SPOCK3: variants seen among roughly 807,000 people sequenced by gnomAD.
SPOCK3 encodes testican-3.
SPOCK3 carries 30 observed loss-of-function variants against 56.6 expected under a neutral mutation model. The observed-to-expected ratio is 0.53, with a 90% CI of 0.40 to 0.72. The LOEUF (loss-of-function observed/expected upper bound fraction) is 0.72. Ranked by LOEUF, SPOCK3 falls within the 30% of genes least tolerant of loss-of-function variation. SPOCK3 has a pLI of 0.00. For synonymous variants in SPOCK3, 196 were observed against 183.3 expected (o/e 1.07, Z -0.56); for missense variants, 527 against 530.0 (o/e 0.99, Z 0.06).
At chr4:167,172,294 C>T (rs565889401) in intron 2 of SPOCK3, among the ~76,000 whole-genome samples, 2 of 152,318 alleles carry the variant, frequency 1.3e-5, no homozygotes, top group South Asian at 4.1e-4. Flanking sequence ...ACTTCATTGA[C>T]TTAATATCTC....
chr4:166,900,760 T>C (rs1278161764), intron 5 of SPOCK3, among the ~76,000 whole-genome samples: 1 of 152,148 alleles, frequency 6.6e-6, no homozygotes, highest in East Asian at 1.9e-4. Context: ...CTCTTATGGA[T>C]AAAATGTTCT....
chr4:166,787,980 G>C (rs529053186), intron 7 of SPOCK3, among the ~76,000 whole-genome samples: 1 of 152,234 alleles, frequency 6.6e-6, no homozygotes, highest in East Asian at 1.9e-4. Context: ...TCAGGAGTTT[G>C]AGACTGGCCT....
intron 6 of SPOCK3, among the ~76,000 whole-genome samples, chr4:166,869,501 T>G (rs1288325387): frequency 6.6e-6 from 1 of 152,086 alleles, no homozygotes. Context: ...TGGCACCATG[T>G]CTAGTAAAAA....
At chr4:166,823,349 G>A (rs1745128230) in intron 6 of SPOCK3, among the ~76,000 whole-genome samples, 1 of 151,856 alleles carries the variant, frequency 6.6e-6, no homozygotes, top group South Asian at 2.1e-4. Flanking sequence ...AAAAATTCCT[G>A]GGTGCCTGAG....
chr4:166,747,549 G>A (rs1316307689), intron 8 of SPOCK3, among the ~76,000 whole-genome samples: 1 of 152,122 alleles, frequency 6.6e-6, no homozygotes, highest in African/African-American at 2.4e-5. Flanking sequence ...CCAAAAACTG[G>A]AAGCATTCCC....
At chr4:167,193,468 C>T (rs1732649043) in intron 2 of SPOCK3, among the ~76,000 whole-genome samples, 2 of 145,840 alleles carry the variant, frequency 1.4e-5, no homozygotes, top group Non-Finnish European at 3.0e-5. Flanking sequence ...TTATATCATG[C>T]ACCAATTAAT....
At chr4:167,009,822 TATTA>T (rs1012659365) in intron 3 of SPOCK3, among the ~76,000 whole-genome samples, 4 of 152,022 alleles carry the variant, frequency 2.6e-5, no homozygotes, top group African/African-American at 9.7e-5. Context: ...AGCATGTTTA[TATTA>T]ATTCATGTCA....
chr4:167,125,679 G>C (rs959320555), intron 2 of SPOCK3, among the ~76,000 whole-genome samples: 6 of 152,046 alleles, frequency 3.9e-5, no homozygotes, highest in Non-Finnish European at 5.9e-5. Flanking sequence ...CGCGCCACTG[G>C]ACTCCAGCCC....
At chr4:167,041,077 A>G (rs1231812428) in intron 3 of SPOCK3, among the ~76,000 whole-genome samples, 3 of 152,192 alleles carry the variant, frequency 2.0e-5, no homozygotes, top group Non-Finnish European at 4.4e-5. Context: ...GTGTGAGTGG[A>G]GAATCTCAGA....
chr4:167,042,398 T>G (rs1385136711), intron 3 of SPOCK3, among the ~76,000 whole-genome samples: 1 of 152,184 alleles, frequency 6.6e-6, no homozygotes, highest in Non-Finnish European at 1.5e-5. Flanking sequence ...GTTATGTAAT[T>G]GTTTTAACTT....
At chr4:166,852,758 T>C (rs1730259435) in intron 6 of SPOCK3, among the ~76,000 whole-genome samples, 1 of 152,222 alleles carries the variant, frequency 6.6e-6, no homozygotes, top group South Asian at 2.1e-4. Context: ...AACTTCATTC[T>C]TTAGATGACA....
intron 5 of SPOCK3, among the ~76,000 whole-genome samples, chr4:166,902,735 A>G (rs939705091): frequency 4.0e-5 from 6 of 151,656 alleles, no homozygotes; most frequent in Admixed American, 2.0e-4. Flanking sequence ...TCTTGATTGA[A>G]GTTCATCTAA....
At chr4:166,984,187 T>C (rs1412040676) in intron 4 of SPOCK3, among the ~76,000 whole-genome samples, 1 of 152,122 alleles carries the variant, frequency 6.6e-6, no homozygotes, top group Non-Finnish European at 1.5e-5. Flanking sequence ...TTAAATTCTT[T>C]TAAAATTATG....
At chr4:166,865,737 C>A (rs1731757516) in intron 6 of SPOCK3, among the ~76,000 whole-genome samples, 1 of 152,046 alleles carries the variant, frequency 6.6e-6, no homozygotes, top group South Asian at 2.1e-4. Flanking sequence ...CATAAAGGAC[C>A]TCTTCAAGGA....
intron 2 of SPOCK3, among the ~76,000 whole-genome samples, chr4:167,218,814 C>T (rs1735621095): frequency 6.6e-6 from 1 of 151,934 alleles, no homozygotes; most frequent in South Asian, 2.1e-4. Flanking sequence ...ATAACATTAG[C>T]AAAGAAAGTT....
chr4:167,176,711 G>A (rs1379040285), intron 2 of SPOCK3, among the ~76,000 whole-genome samples: 1 of 152,068 alleles, frequency 6.6e-6, no homozygotes, highest in African/African-American at 2.4e-5. Flanking sequence ...GTGATATAAA[G>A]AAAGGGATTG....
intron 9 of SPOCK3, among the ~76,000 whole-genome samples, chr4:166,739,221 T>C (rs531332557): frequency 6.6e-6 from 1 of 152,236 alleles, no homozygotes; most frequent in East Asian, 1.9e-4. Flanking sequence ...TGATGGCCAG[T>C]GATGGTGAGC....
At chr4:166,767,999 C>G (rs145976933) in intron 7 of SPOCK3, among the ~76,000 whole-genome samples, 1 of 138,800 alleles carries the variant, frequency 7.2e-6, no homozygotes, top group African/African-American at 2.9e-5. Flanking sequence ...TTATCAGAGA[C>G]TAGGATTGCA....
chr4:166,763,349 T>C (rs973597782), intron 7 of SPOCK3, among the ~76,000 whole-genome samples: 3 of 151,806 alleles, frequency 2.0e-5, no homozygotes, highest in African/African-American at 7.3e-5. Context: ...CTAAAAACAA[T>C]GTAAAGCTGA....
Sources: gnomAD v4.1 joint callset for allele counts (sites outside exome capture counted in the v4.1 genomes callset) on GRCh38, gnomAD v4.1.1 for gene constraint, MANE v1.5 for transcripts, NCBI Gene and HGNC (gene_info 2026-07-23, HGNC 2026-07-21) for gene names.